ZNF7: variants seen among roughly 807,000 people sequenced by gnomAD.
ZNF7 encodes zinc finger protein 7, also known as C2-H2 type zinc finger protein.
Under a neutral mutation model 12.0 loss-of-function variants are expected in ZNF7, and 10 were observed. The observed-to-expected ratio is 0.83, with a 90% CI of 0.51 to 1.42. The LOEUF (loss-of-function observed/expected upper bound fraction) is 1.42. ZNF7 is among the 40% of genes most tolerant of loss of function. The pLI is 0.00. For synonymous variants in ZNF7, 334 were observed against 295.0 expected, an observed-to-expected ratio of 1.13 and a Z score of -1.35; for missense variants, 854 against 837.2, an observed-to-expected ratio of 1.02 and a Z score of -0.25.
chr8:144,843,039 G>A lies in ZNF7; in HGVS notation c.1932G>A (p.Arg644=), dbSNP rs1352756483. 1.9e-6 allele frequency: 3 copies of A among 1,614,002 alleles called. No individual in the cohort carries two copies. In the African/African-American group the frequency reaches 4.0e-5, roughly 22 times the overall value. ...HQCEDCEKIF[R]WRSHLIIHQR... is the part of the protein sequence containing the mutation. The stretch of plus-strand genomic sequence containing the variant: ...GTGAAGACTGTGAGAAGATATTTAG[G>A]TGGCGTTCACACCTAATTATACACC... Residue 644 remains arginine, a synonymous_variant, in exon 5 of 5, where the codon AGG becomes AGA. Transcript: ENST00000532777.
chr8:144,829,524 A>C lies in ZNF7; in HGVS notation c.50A>C (p.Glu17Ala). 6.2e-7 allele frequency: 1 copy of C among 1,614,128 alleles called. No homozygotes were observed. Among genetic ancestry groups the C allele is most frequent in the Non-Finnish European group, 8.5e-7 (1 of 1,180,016 alleles). The change falls in exon 3 of 5, where the codon GAG becomes GCG. Residue 17 changes from glutamate (E) to alanine (A), a missense_variant. Transcript: ENST00000532777. ...GTGGCTGTGCACTTCTCTCGGGAGG[A>C]GTGGCAGTGTCTGGACCCTGGCCAG... ...GDVAVHFSRE[E>A]WQCLDPGQRA... is the part of the protein sequence containing the mutation.
chr8:144,836,370 T>A (rs1292315048), intron 3 of ZNF7: 1 of 152,280 alleles, frequency 6.6e-6, no homozygotes, highest in Non-Finnish European at 1.5e-5. Flanking sequence ...CTGCTTGGGC[T>A]GCATCCTATA....
chr8:144,829,218 A>G, intron 2 of ZNF7, 128 bp downstream of exon 2: 1 of 1,567,592 alleles, frequency 6.4e-7, no homozygotes, highest in Non-Finnish European at 8.6e-7. Flanking sequence ...CCTTGCCCCC[A>G]ACCCCAAGGT....
At chr8:144,828,754 G>GT in intron 1 of ZNF7, 1 of 423,268 alleles carries the variant, frequency 2.4e-6, no homozygotes, top group Non-Finnish European at 4.4e-6. Flanking sequence ...CAGGGTCCTC[G>GT]TGTCCACTAC....
At position 144,831,063 on chromosome 8, in the gene ZNF7, G is replaced by C. The variant is rs1395509535; in HGVS notation, c.130+1459G>C. 3 of 455,996 alleles carry C rather than the reference G, an allele frequency of 6.6e-6. No individual in the cohort carries two copies. In the Admixed American group the frequency reaches 7.1e-5, roughly 11 times the overall value. 28.2% of individuals were successfully genotyped at this position (455,996 alleles called of 1,614,324 possible). On this transcript the variant is annotated intron_variant, in intron 3 of 4. Transcript: ENST00000532777. ...TGTTGGGGTTTTCTTCATCCAGTGA[G>C]CTTGGTGCTTGAGCTTTCTTGCTTG...
intron 4 of ZNF7, chr8:144,837,907 G>T: frequency 1.7e-6 from 1 of 603,008 alleles, no homozygotes. Flanking sequence ...GCTCCCTTCA[G>T]ACCCTCTCAG....
downstream of ZNF7, among the ~76,000 whole-genome samples, chr8:144,844,694 A>G (rs1830396640): frequency 7.7e-6 from 1 of 130,330 alleles, no homozygotes; most frequent in Admixed American, 8.7e-5. Context: ...GGGTGACAAG[A>G]GTGTGACTCT....
Position 144,842,121 on chromosome 8 carries a change from G to A in ZNF7, c.1014G>A (p.Glu338=). The A allele has an allele frequency of 6.2e-7, 1 of 1,614,064 alleles. No individual in the cohort carries two copies. The highest frequency in any genetic ancestry group is 8.5e-7 in the Non-Finnish European group (1 of 1,179,986). Residue 338 remains glutamate, a synonymous_variant, in exon 5 of 5, where the codon GAG becomes GAA. Coordinates refer to ENST00000532777, the MANE Select transcript of ZNF7 (RefSeq NM_003416.4). ...GAGAGAGGCCCTATGGTTGTCGTGA[G>A]TGTGGGAAAGCCTTCAGCCAGCAGT... ...HTGERPYGCR[E]CGKAFSQQSQ...
chr8:144,842,961 G>A lies in ZNF7; in HGVS notation c.1854G>A (p.Gly618=). ...ACGAATATGGGAATGCCCTGGAAGG[G>A]TCCACCTTTGTGAGCCGTAAAAAGG... ...WFYEYGNALE[G]STFVSRKKVN... The change falls in exon 5 of 5, where the codon GGG becomes GGA. Residue 618 remains glycine, a synonymous_variant. Coordinates refer to ENST00000532777, the MANE Select transcript of ZNF7 (RefSeq NM_003416.4). 6.2e-7 allele frequency: 1 copy of A among 1,614,162 alleles called. No homozygotes were observed. Among genetic ancestry groups the A allele is most frequent in the Non-Finnish European group, 8.5e-7 (1 of 1,180,046 alleles).
Position 144,831,652 on chromosome 8 carries a change from G to A in ZNF7, c.130+2048G>A, listed in dbSNP as rs62531521. 2.1e-4 allele frequency among the ~76,000 whole-genome samples: 20 copies of A among 93,780 alleles called. 5 individuals are homozygous for A. Among genetic ancestry groups the A allele is most frequent in the Non-Finnish European group, 3.8e-4 (15 of 39,462 alleles). The allele number at this position is 93,780 out of a possible 152,430, so 61.5% of individuals were successfully genotyped here. On this transcript the variant is annotated intron_variant, in intron 3 of 4. Transcript: ENST00000532777. ...ACAAAAATTAGCTGGGTGTGGTGGC[G>A]CATGCCTGTAATCCCAGCTACTCGG...
intron 3 of ZNF7, 196 bp from the exon 4 acceptor site, chr8:144,837,195 A>T (rs1452006082): frequency 2.3e-6 from 1 of 434,982 alleles, no homozygotes; most frequent in Non-Finnish European, 4.2e-6. Context: ...CAGCCACAGG[A>T]GGTGGACAGA....
In ZNF7 at chr8:144,838,274, C is replaced by T. The variant is rs1586816900; in HGVS notation, c.247+767C>T. ...GGGTTAGGGGCCACCCCAGTGACCTCATGGTGACTAATTAATCTGCAACGA... is the reference window on the plus strand; with the variant it reads ...GGGTTAGGGGCCACCCCAGTGACCTTATGGTGACTAATTAATCTGCAACGA... On this transcript the variant is annotated intron_variant, in intron 4 of 4. Coordinates refer to ENST00000532777, the MANE Select transcript of ZNF7 (RefSeq NM_003416.4). The T allele has an allele frequency of 1.2e-5, 7 of 601,914 alleles. No homozygotes were observed. In the East Asian group the frequency reaches 2.0e-4, roughly 17 times the overall value. 37.3% of individuals were successfully genotyped at this position (601,914 alleles called of 1,614,324 possible).
At chr8:144,846,492 TACC>T (rs1230927583), downstream of ZNF7, 2 of 263,228 alleles carry the variant, frequency 7.6e-6, no homozygotes, top group South Asian at 7.6e-5. Flanking sequence ...CAGCAGTGTT[TACC>T]ACACCAGCCA....
rs773950570 is a variant in ZNF7, at chr8:144,843,269, G to T, written c.*101G>T. On this transcript the variant is annotated 3_prime_UTR_variant, in exon 5 of 5. Coordinates refer to ENST00000532777, the MANE Select transcript of ZNF7 (RefSeq NM_003416.4). ...ATACTGACAAACATGTAGAATGTTG[G>T]TAAAGGTTCAGAATTGCTCTCAAGA... 2.9e-6 allele frequency: 4 copies of T among 1,377,846 alleles called. No individual in the cohort carries two copies. Among genetic ancestry groups the T allele is most frequent in the South Asian group, 1.5e-5 (1 of 67,182 alleles). The allele number at this position is 1,377,846 out of a possible 1,614,324, so 85.4% of individuals were successfully genotyped here.
At chr8:144,837,174 C>T (rs534649978) in intron 3 of ZNF7, 2 of 392,512 alleles carry the variant, frequency 5.1e-6, no homozygotes, top group South Asian at 7.9e-5. Context: ...AGTCAGGTAT[C>T]CCTTGCTGTC....
intron 3 of ZNF7, chr8:144,834,502 A>G (rs1828777746): frequency 6.6e-6 from 1 of 152,168 alleles, no homozygotes; most frequent in Non-Finnish European, 1.5e-5. Context: ...TTTGTTTTTA[A>G]TCATAAATAC....
In ZNF7 at chr8:144,837,471, G is replaced by C; in HGVS notation, c.211G>C (p.Ala71Pro). 1 of 1,612,776 alleles carries C rather than the reference G, an allele frequency of 6.2e-7. No homozygotes were observed. Among genetic ancestry groups the C allele is most frequent in the Non-Finnish European group, 8.5e-7 (1 of 1,178,914 alleles). The change falls in exon 4 of 5, where the codon GCA (alanine) becomes CCA (proline). Residue 71 changes from alanine (A) to proline (P), a missense_variant. Transcript: ENST00000532777. ...EEPWVLDLQGAEGTEAPRTSK... is the reference protein window; with the variant it reads ...EEPWVLDLQGPEGTEAPRTSK... ...GCCATGGGTCCTCGACCTGCAGGGAGCAGAGGGGACAGAGGCACCAAGGAC... is the reference window on the plus strand; with the variant it reads ...GCCATGGGTCCTCGACCTGCAGGGACCAGAGGGGACAGAGGCACCAAGGAC...
chr8:144,843,180 A>AT lies in ZNF7; in HGVS notation c.*13dup, dbSNP rs1366692281. ...TTCACATGGGATAGACCACTTACAT[A>AT]TAAATGTGTATATATGTGAATAAAC... On this transcript the variant is annotated 3_prime_UTR_variant, in exon 5 of 5. Transcript: ENST00000532777. 4 of 1,553,348 alleles carry AT rather than the reference A, an allele frequency of 2.6e-6. No homozygotes were observed. Among genetic ancestry groups the AT allele is most frequent in the Non-Finnish European group, 3.5e-6 (4 of 1,154,870 alleles).
intron 3 of ZNF7, among the ~76,000 whole-genome samples, chr8:144,833,222 C>G (rs1297874367): frequency 6.8e-6 from 1 of 147,632 alleles, no homozygotes; most frequent in Non-Finnish European, 1.5e-5. Flanking sequence ...AAAAGACTAT[C>G]TCCTTTTCCT....
Sources: gnomAD v4.1 joint callset for allele counts (sites outside exome capture counted in the v4.1 genomes callset) on GRCh38, gnomAD v4.1.1 for gene constraint, MANE v1.5 for transcripts, NCBI Gene and HGNC (gene_info 2026-07-23, HGNC 2026-07-21) for gene names.